Variants in CAMKMT observed in about 807,000 individuals in gnomAD.
CAMKMT encodes the protein calmodulin-lysine N-methyltransferase, also known as CaM KMT.
In CAMKMT, 53 loss-of-function variants were observed where a neutral mutation model predicts 48.0. The ratio of observed to expected loss-of-function variants is 1.10; its 90% CI spans 0.89 to 1.39. The LOEUF (loss-of-function observed/expected upper bound fraction) is 1.39. CAMKMT is among the 40% of genes most tolerant of loss of function. The pLI is 0.00. For missense variants in CAMKMT, 428 were observed against 402.7 expected (o/e 1.06, Z -0.54); for synonymous variants, 165 against 152.3 (o/e 1.08, Z -0.61).
chr2:44,421,940 C>T (rs1023723068), intron 3 of CAMKMT, among the ~76,000 whole-genome samples: 1 of 152,088 alleles, frequency 6.6e-6, no homozygotes. Flanking sequence ...ATTTTGAAGG[C>T]TGGAAAATGG....
Position 44,451,755 on chromosome 2 carries a change from G to A in CAMKMT, c.376+61450G>A, listed in dbSNP as rs142025594. Among the ~76,000 whole-genome samples the A allele has an allele frequency of 6.4e-3, 977 of 151,896 alleles. 10 individuals are homozygous for A. The highest frequency in any genetic ancestry group is 0.017 in the Middle Eastern group (5 of 292). ...TGTGATAAAACAAACACGGTAAAAT[G>A]TTAAGGATAGAATCTAGGTGGTAGG... is the stretch of plus-strand genomic sequence containing the variant. On this transcript the variant is annotated intron_variant, in intron 3 of 10. Coordinates refer to ENST00000378494, the MANE Select transcript of CAMKMT (RefSeq NM_024766.5).
intron 3 of CAMKMT, among the ~76,000 whole-genome samples, chr2:44,544,632 G>A (rs1436895877): frequency 6.6e-6 from 1 of 152,186 alleles, no homozygotes; most frequent in Non-Finnish European, 1.5e-5. Context: ...GTGCTAACAT[G>A]TCACTAAAGG....
chr2:44,407,721 GCAGA>G (rs1265489354), intron 3 of CAMKMT, among the ~76,000 whole-genome samples: 1 of 152,146 alleles, frequency 6.6e-6, no homozygotes, highest in Non-Finnish European at 1.5e-5. Flanking sequence ...ACTTAGATGG[GCAGA>G]CTGAAGGCAA....
intron 3 of CAMKMT, among the ~76,000 whole-genome samples, chr2:44,437,212 A>G (rs1666318017): frequency 6.6e-6 from 1 of 152,218 alleles, no homozygotes; most frequent in Non-Finnish European, 1.5e-5. Flanking sequence ...TTAAGAAAAA[A>G]GCATTTTATA....
chr2:44,505,221 C>T (rs918365035), intron 3 of CAMKMT, among the ~76,000 whole-genome samples: 2 of 152,102 alleles, frequency 1.3e-5, no homozygotes, highest in African/African-American at 2.4e-5. Context: ...GAAACTAGAG[C>T]ACCCACTTTC....
intron 3 of CAMKMT, among the ~76,000 whole-genome samples, chr2:44,438,734 G>A (rs1666444011): frequency 6.6e-6 from 1 of 152,100 alleles, no homozygotes; most frequent in Admixed American, 6.5e-5. Context: ...GTCTCACTCT[G>A]CAGTGCAGGT....
At chr2:44,759,532 G>A (rs906349118) in intron 9 of CAMKMT, among the ~76,000 whole-genome samples, 1 of 152,110 alleles carries the variant, frequency 6.6e-6, no homozygotes, top group African/African-American at 2.4e-5. Flanking sequence ...ATTGCCTTGT[G>A]TATGTGGGAT....
At chr2:44,466,775 T>TA (rs1668136181) in intron 3 of CAMKMT, among the ~76,000 whole-genome samples, 1 of 151,628 alleles carries the variant, frequency 6.6e-6, no homozygotes, top group Admixed American at 6.6e-5. Flanking sequence ...TAGACTTAAA[T>TA]AAAAAAAGAC....
chr2:44,417,218 C>T (rs867634476), intron 3 of CAMKMT, among the ~76,000 whole-genome samples: 6 of 151,982 alleles, frequency 3.9e-5, no homozygotes, highest in East Asian at 1.9e-4. Flanking sequence ...ATGGTGAAAC[C>T]CTGTCACTAC....
intron 3 of CAMKMT, among the ~76,000 whole-genome samples, chr2:44,409,117 A>C (rs1460191263): frequency 2.6e-4 from 1 of 3,890 alleles, no homozygotes; most frequent in African/African-American, 8.0e-4. Context: ...ATATATATAT[A>C]TATATATATA....
rs553597928 is a variant in CAMKMT, at chr2:44,652,677, C to T, written c.377-51606C>T. Among the ~76,000 whole-genome samples, 230 of 152,294 alleles carry T rather than the reference C, an allele frequency of 1.5e-3. 1 individual carries two copies. The highest frequency in any genetic ancestry group is 2.2e-3 in the Admixed American group (34 of 15,292). On this transcript the variant is annotated intron_variant, in intron 3 of 10. Coordinates refer to ENST00000378494, the MANE Select transcript of CAMKMT (RefSeq NM_024766.5). ...CACACACTCTTGGACACTGGTTTAA[C>T]GTGAAACAATCAACATATCCTTTAA...
intron 3 of CAMKMT, among the ~76,000 whole-genome samples, chr2:44,563,046 T>C (rs4953101): frequency 0.6 from 91,942 of 152,012 alleles, 28,322 homozygotes; most frequent in Middle Eastern, 0.68. Flanking sequence ...CCAACTCCTA[T>C]GCCATAACTA....
chr2:44,658,988 A>T (rs72867790), intron 3 of CAMKMT, among the ~76,000 whole-genome samples: 5,027 of 150,008 alleles, frequency 0.034, 248 homozygotes, highest in African/African-American at 0.11. Flanking sequence ...TTACTGCTAA[A>T]TTTTGGTCTT....
At chr2:44,523,386 A>G (rs11687683) in intron 3 of CAMKMT, among the ~76,000 whole-genome samples, 95,674 of 150,226 alleles carry the variant, frequency 0.64, 30,978 homozygotes, top group Middle Eastern at 0.69. Context: ...TCTGCCTCCC[A>G]GGTTCAAGCA....
At chr2:44,588,176 G>T (rs1334852105) in intron 3 of CAMKMT, among the ~76,000 whole-genome samples, 1 of 129,006 alleles carries the variant, frequency 7.8e-6, no homozygotes, top group East Asian at 2.2e-4. Context: ...CGCCCCGTCT[G>T]AGAAGTGAGG....
intron 3 of CAMKMT, among the ~76,000 whole-genome samples, chr2:44,615,491 C>T (rs1390248010): frequency 6.6e-6 from 1 of 152,024 alleles, no homozygotes; most frequent in African/African-American, 2.4e-5. Context: ...GATATGGTAA[C>T]CAAAGGAGAA....
chr2:44,549,658 G>C (rs1667597866), intron 3 of CAMKMT: 1 of 591,130 alleles, frequency 1.7e-6, no homozygotes, highest in African/African-American at 1.9e-5. Flanking sequence ...AACACTTCGT[G>C]GCAGAAGATT....
chr2:44,498,585 T>A (rs1326538731), intron 3 of CAMKMT, among the ~76,000 whole-genome samples: 1 of 152,156 alleles, frequency 6.6e-6, no homozygotes, highest in Non-Finnish European at 1.5e-5. Context: ...GATGATAAAA[T>A]CCTGTAATTC....
intron 3 of CAMKMT, among the ~76,000 whole-genome samples, chr2:44,436,249 T>C (rs1666244314): frequency 6.6e-6 from 1 of 152,106 alleles, no homozygotes; most frequent in Non-Finnish European, 1.5e-5. Context: ...CAAATTTTTT[T>C]GTATTTTTAG....
Sources: gnomAD v4.1 joint callset for allele counts (sites outside exome capture counted in the v4.1 genomes callset) on GRCh38, gnomAD v4.1.1 for gene constraint, MANE v1.5 for transcripts, NCBI Gene and HGNC (gene_info 2026-07-23, HGNC 2026-07-21) for gene names.